The following WDR59 variants were observed in gnomAD, a reference collection of about 807,000 sequenced individuals.
WDR59 encodes GATOR2 complex protein WDR59.
In WDR59, 100 loss-of-function variants were observed where a neutral mutation model predicts 131.2. The observed-to-expected ratio is 0.76, with a 90% CI of 0.65 to 0.90. The LOEUF (loss-of-function observed/expected upper bound fraction) is 0.90, where lower values mean the gene tolerates loss of function less well. Ranked by LOEUF, WDR59 falls within the 40% of genes least tolerant of loss-of-function variation. The pLI is 0.00. For missense variants in WDR59, 1,203 were observed against 1,262.2 expected (o/e 0.95, Z 0.71); for synonymous variants, 601 against 466.2 (o/e 1.29, Z -3.72).
At chr16:74,910,082 C>G (rs542323713) in intron 14 of WDR59, among the ~76,000 whole-genome samples, 165 bp from the exon 15 acceptor site, 2 of 151,726 alleles carry the variant, frequency 1.3e-5, no homozygotes, top group East Asian at 3.9e-4. Flanking sequence ...ATTCTTGTGC[C>G]TCAGCCTCCC....
intron 8 of WDR59, among the ~76,000 whole-genome samples, chr16:74,925,938 T>C (rs2030745412): frequency 6.7e-6 from 1 of 148,630 alleles, no homozygotes; most frequent in Non-Finnish European, 1.5e-5. Flanking sequence ...TGAGCTATGA[T>C]CATACCACTG....
intron 8 of WDR59, among the ~76,000 whole-genome samples, chr16:74,935,040 C>T (rs1026142157): frequency 3.3e-5 from 5 of 151,980 alleles, no homozygotes; most frequent in African/African-American, 1.2e-4. Flanking sequence ...ACCAGCCTGG[C>T]AAACATGGTG....
chr16:74,950,643 C>A (rs2032936243), intron 4 of WDR59, among the ~76,000 whole-genome samples: 2 of 152,138 alleles, frequency 1.3e-5, no homozygotes, highest in Admixed American at 1.3e-4. Context: ...AAACAGTGAC[C>A]CAGGGAAAGA....
rs201171908 is a variant in WDR59 at position 74,949,784 on chromosome 16, G to A, written c.341C>T (p.Ala114Val). 1.5e-4 allele frequency: 247 copies of A among 1,613,662 alleles called. No homozygotes were observed. The highest frequency in any genetic ancestry group is 2.0e-4 in the Non-Finnish European group (231 of 1,179,818). Reference sequence around the variant, plus strand: ...AACCAGGAGGTCAGGCTCAAACACCGCCCAGTCCAAGTCGCTGGGACACAA... The same window carrying A: ...AACCAGGAGGTCAGGCTCAAACACCACCCAGTCCAAGTCGCTGGGACACAA... Reference protein sequence around the residue: ...HTRVISDLDWAVFEPDLLVTS... With the variant: ...HTRVISDLDWVVFEPDLLVTS... Residue 114 changes from alanine to valine, a missense_variant, in exon 5 of 26, where the codon GCG (alanine) becomes GTG (valine). Transcript: ENST00000262144.
Position 74,909,599 on chromosome 16 carries a change from G to T in WDR59, c.1544C>A (p.Pro515His), listed in dbSNP as rs527717246. 35 of 1,609,354 alleles carry T rather than the reference G, an allele frequency of 2.2e-5. No individual in the cohort carries two copies. Among genetic ancestry groups the T allele is most frequent in the South Asian group, 4.4e-5 (4 of 90,244 alleles). ...PFALPNSVTPPLPTFARVTTA... is the reference protein window; with the variant it reads ...PFALPNSVTPHLPTFARVTTA... ...GGTCACCCGCGCAAACGTCGGTAAG[G>T]GGGGAGTGACAGAGTTGGGGAGTGC... is the stretch of plus-strand genomic sequence containing the variant. The change falls in exon 16 of 26, where the codon CCC becomes CAC. Residue 515 changes from proline (P) to histidine (H), a missense_variant. By Grantham distance (77) the Pro-to-His change is moderately conservative (BLOSUM62 -2). Coordinates refer to ENST00000262144, the MANE Select transcript of WDR59 (RefSeq NM_030581.4).
At position 74,922,080 on chromosome 16, in the gene WDR59, A is replaced by C; in HGVS notation, c.753T>G (p.Thr251=). 1 of 1,614,214 alleles carries C rather than the reference A, an allele frequency of 6.2e-7. No homozygotes were observed. The change falls in exon 10 of 26, where the codon ACT becomes ACG. Residue 251 remains threonine (T), a synonymous_variant. Transcript: ENST00000262144. ...CCCTCCGCAGCTGGGGAACCATCAC[A>C]GTCACCAATCCATTGCTGAAAGGCT... ...RYTPFSNGLV[T]VMVPQLRREN...
chr16:74,881,888 GA>G (rs1247274156), intron 25 of WDR59, among the ~76,000 whole-genome samples: 13 of 137,578 alleles, frequency 9.4e-5, no homozygotes, highest in East Asian at 2.1e-4. Flanking sequence ...AAAAAAAAAA[GA>G]AAAAAAAGAA....
chr16:74,975,913 G>A (rs1284100162), intron 1 of WDR59, among the ~76,000 whole-genome samples: 2 of 151,948 alleles, frequency 1.3e-5, no homozygotes, highest in East Asian at 3.9e-4. Flanking sequence ...CACTTTGGGA[G>A]GCTAAGGTGG....
At chr16:74,937,213 T>A (rs969264917) in intron 8 of WDR59, among the ~76,000 whole-genome samples, 2 of 152,148 alleles carry the variant, frequency 1.3e-5, no homozygotes, top group African/African-American at 2.4e-5. Context: ...CAAACAACAC[T>A]GTACCTTGTG....
intron 9 of WDR59, 30 bp from the exon 10 acceptor site, chr16:74,922,133 T>C (rs757639664): frequency 1.9e-6 from 3 of 1,612,974 alleles, no homozygotes; most frequent in Non-Finnish European, 2.5e-6. Context: ...AGCAGGTGAT[T>C]AGATTATTTC....
intron 7 of WDR59, among the ~76,000 whole-genome samples, chr16:74,941,470 G>A (rs1372216508): frequency 3.3e-5 from 5 of 152,016 alleles, no homozygotes; most frequent in Admixed American, 3.3e-4. Context: ...GAGGTGGGCA[G>A]ATCACTTGAG....
chr16:74,984,880 C>A (rs1296936651), intron 1 of WDR59, 84 bp downstream of exon 1: 2 of 1,543,352 alleles, frequency 1.3e-6, no homozygotes, highest in East Asian at 2.4e-5. Context: ...CTCCCCGTAG[C>A]CCCCCGGGAC....
At chr16:74,935,229 C>G (rs1220739456) in intron 8 of WDR59, among the ~76,000 whole-genome samples, 1 of 145,866 alleles carries the variant, frequency 6.9e-6, no homozygotes, top group African/African-American at 2.5e-5. Context: ...GACTCTGTCT[C>G]AAAAAAAAAA....
At chr16:74,894,303 A>G (rs11865599) in intron 18 of WDR59, among the ~76,000 whole-genome samples, 36,600 of 152,066 alleles carry the variant, frequency 0.24, 4,677 homozygotes, top group African/African-American at 0.27. Context: ...AAACAGAGAA[A>G]CTTTGCACCT....
chr16:74,890,211 C>T (rs1202105024), intron 20 of WDR59, among the ~76,000 whole-genome samples: 1 of 152,178 alleles, frequency 6.6e-6, no homozygotes, highest in African/African-American at 2.4e-5. Context: ...AGTGCCGTGG[C>T]ACAATCACAG....
At chr16:74,942,518 A>AT (rs576798218) in intron 7 of WDR59, among the ~76,000 whole-genome samples, 133 of 152,148 alleles carry the variant, frequency 8.7e-4, no homozygotes, top group Non-Finnish European at 1.8e-3. Flanking sequence ...AATGGAGCTG[A>AT]TTTTTTCAAC....
At chr16:74,894,575 G>C (rs1459193100) in intron 18 of WDR59, among the ~76,000 whole-genome samples, 2 of 152,084 alleles carry the variant, frequency 1.3e-5, no homozygotes, top group East Asian at 3.9e-4. Context: ...CAAGGAGCAG[G>C]ATTCCATTTT....
intron 8 of WDR59, chr16:74,930,892 C>CAAAAAAAAAAAAAAAAAAAACAA (rs2031320268): frequency 1.3e-5 from 1 of 79,628 alleles, no homozygotes; most frequent in Non-Finnish European, 2.2e-5. Flanking sequence ...GACTCCATCT[C>CAAAAAAAAAAAAAAAAAAAACAA]AAAAAAAAAA....
chr16:74,902,041 G>A (rs1046907327), intron 18 of WDR59, among the ~76,000 whole-genome samples: 2 of 152,076 alleles, frequency 1.3e-5, no homozygotes, highest in Non-Finnish European at 1.5e-5. Flanking sequence ...CAGCAATTTC[G>A]TATGATTTAA....
Sources: allele counts gnomAD v4.1 joint callset (sites outside exome capture counted in the v4.1 genomes callset), GRCh38; gene constraint gnomAD v4.1.1; transcripts MANE v1.5; gene names NCBI Gene and HGNC (gene_info 2026-07-23, HGNC 2026-07-21).